DISP1: variants seen among roughly 807,000 people sequenced by gnomAD.
The protein encoded by DISP1 is dispatched RND transporter family member 1, also known as protein dispatched homolog 1.
In DISP1, 30 loss-of-function variants were observed where a neutral mutation model predicts 37.3. That is an observed-to-expected ratio of 0.80 (90% CI 0.60 to 1.09). The LOEUF is 1.09. DISP1 is among the 50% of genes least tolerant of loss of function. DISP1 has a pLI of 0.00. For synonymous variants in DISP1, 634 were observed against 690.2 expected, an observed-to-expected ratio of 0.92 and a Z score of 1.28; for missense variants, 1,598 against 1,879.5, an observed-to-expected ratio of 0.85 and a Z score of 2.77.
Position 222,957,145 on chromosome 1 carries a change from TAAAA to T in DISP1, c.509+13833_509+13836del, listed in dbSNP as rs35888809. Reference sequence around the variant, plus strand: ...CTCTAAACTATTTTCTTTACTATTGTAAAAAAAAAAAAAAAAAAAAAAAGCATTC... The same window carrying T: ...CTCTAAACTATTTTCTTTACTATTGTAAAAAAAAAAAAAAAAAAAGCATTC... On this transcript the variant is annotated intron_variant, in intron 3 of 8. Coordinates refer to ENST00000675850, the MANE Select transcript of DISP1 (RefSeq NM_001377229.1). Among the ~76,000 whole-genome samples the T allele has an allele frequency of 2.3e-4, 24 of 103,246 alleles. No individual in the cohort carries two copies. In the East Asian group the frequency reaches 4.6e-3, roughly 20 times the overall value. The allele number at this position is 103,246 out of a possible 152,430, so 67.7% of individuals were successfully genotyped here. A position where few individuals can be genotyped will look rare whatever the true frequency, so the allele number is the denominator to read the frequency against.
chr1:222,989,311 T>C (rs1339461), intron 4 of DISP1: 917,564 of 934,180 alleles, frequency 0.98, 452,515 homozygotes, highest in East Asian at 1. Flanking sequence ...TTGAGAGTAG[T>C]GGTCCACAAG....
intron 4 of DISP1, chr1:222,989,388 T>A: frequency 2.0e-6 from 2 of 985,440 alleles, no homozygotes; most frequent in Non-Finnish European, 2.4e-6. Flanking sequence ...AGGATGCATT[T>A]TGAATTTTAG....
At chr1:222,873,434 C>G (rs1461255177) in intron 1 of DISP1, among the ~76,000 whole-genome samples, 2 of 152,118 alleles carry the variant, frequency 1.3e-5, no homozygotes, top group Non-Finnish European at 2.9e-5. Context: ...TCTCTAAGGA[C>G]TTGCTTTATG....
chr1:222,895,430 T>A (rs1671196354), intron 1 of DISP1, among the ~76,000 whole-genome samples: 1 of 152,162 alleles, frequency 6.6e-6, no homozygotes, highest in Admixed American at 6.5e-5. Context: ...ATAACTGATT[T>A]TTTAAAAAAA....
chr1:222,898,303 A>G (rs1404789925), intron 1 of DISP1, among the ~76,000 whole-genome samples: 1 of 152,124 alleles, frequency 6.6e-6, no homozygotes, highest in Non-Finnish European at 1.5e-5. Flanking sequence ...CACTGAGATC[A>G]TAGAGCCGAT....
rs79409887 is a variant in DISP1, at chr1:222,891,864, A to G, written c.-158-36566A>G. ...CAATGGAGAAGAAGAAGGAGTAAAT[A>G]TAAACAACTATCTTAAGAATTGGCA... On this transcript the variant is annotated intron_variant, in intron 1 of 8. Transcript: ENST00000675850. 2.4e-3 allele frequency among the ~76,000 whole-genome samples: 364 copies of G among 152,192 alleles called. 2 individuals carry two copies. The highest frequency in any genetic ancestry group is 0.013 in the East Asian group (67 of 5,184).
At chr1:222,847,073 GTGT>G (rs1431125884) in intron 1 of DISP1, among the ~76,000 whole-genome samples, 1 of 152,156 alleles carries the variant, frequency 6.6e-6, no homozygotes, top group Admixed American at 6.5e-5. Context: ...TATTCTGTCG[GTGT>G]TTGTCTAGAT....
At chr1:222,830,832 G>C (rs1665563486) in intron 1 of DISP1, 1 of 152,146 alleles carries the variant, frequency 6.6e-6, no homozygotes, top group African/African-American at 2.4e-5. Context: ...TTTTGTGTAT[G>C]GTATTTGGTG....
chr1:222,925,711 T>C (rs1416077160), intron 1 of DISP1, among the ~76,000 whole-genome samples: 1 of 152,024 alleles, frequency 6.6e-6, no homozygotes, highest in Non-Finnish European at 1.5e-5. Flanking sequence ...AAAATGTGGG[T>C]CCCAGAACAG....
intron 4 of DISP1, among the ~76,000 whole-genome samples, chr1:222,984,544 A>T (rs1256876209): frequency 6.7e-6 from 1 of 150,024 alleles, no homozygotes; most frequent in Non-Finnish European, 1.5e-5. Flanking sequence ...GGTTTATATG[A>T]TAGATATAAC....
chr1:222,817,085 G>A (rs1661434672), intron 1 of DISP1, among the ~76,000 whole-genome samples: 1 of 152,138 alleles, frequency 6.6e-6, no homozygotes, highest in African/African-American at 2.4e-5. Flanking sequence ...GGTATGTTGA[G>A]GTTGGATTGC....
chr1:222,955,548 A>G (rs1033223324), intron 3 of DISP1, among the ~76,000 whole-genome samples: 1 of 152,194 alleles, frequency 6.6e-6, no homozygotes, highest in Non-Finnish European at 1.5e-5. Flanking sequence ...TCAGCTGTGT[A>G]TGTTGATGGT....
At chr1:222,880,651 C>T (rs1333517094) in intron 1 of DISP1, among the ~76,000 whole-genome samples, 1 of 152,180 alleles carries the variant, frequency 6.6e-6, no homozygotes, top group Non-Finnish European at 1.5e-5. Context: ...AAAGAGTGGG[C>T]AACATTTTCC....
intron 3 of DISP1, among the ~76,000 whole-genome samples, chr1:222,964,312 A>AAAG (rs1572641171): frequency 1.3e-5 from 2 of 150,536 alleles, no homozygotes; most frequent in Non-Finnish European, 3.0e-5. Context: ...AAAAAAAAAA[A>AAAG]GTGTTTGGAA....
intron 3 of DISP1, among the ~76,000 whole-genome samples, chr1:222,973,131 A>C (rs1226514306): frequency 6.6e-6 from 1 of 152,230 alleles, no homozygotes; most frequent in African/African-American, 2.4e-5. Flanking sequence ...TTCTCCCCAA[A>C]TTATGTAGAA....
chr1:222,916,424 T>A (rs1014542278), intron 1 of DISP1, among the ~76,000 whole-genome samples: 7 of 152,228 alleles, frequency 4.6e-5, no homozygotes. Context: ...TGCCTAGGCT[T>A]TCAGCATTGG....
intron 3 of DISP1, among the ~76,000 whole-genome samples, chr1:222,963,732 T>C (rs1676241568): frequency 6.8e-6 from 1 of 148,142 alleles, no homozygotes; most frequent in African/African-American, 2.5e-5. Flanking sequence ...ACATGGACAC[T>C]GGGGGGGAAC....
chr1:222,972,132 T>C (rs1677002723), intron 3 of DISP1, among the ~76,000 whole-genome samples: 1 of 152,006 alleles, frequency 6.6e-6, no homozygotes, highest in Admixed American at 6.6e-5. Context: ...TATTAGACAA[T>C]AGTGAACATA....
In DISP1 at chr1:222,836,443, A is replaced by G. The variant is rs1390596703; in HGVS notation, c.-159+21365A>G. Among the ~76,000 whole-genome samples, 5 of 152,190 alleles carry G rather than the reference A, an allele frequency of 3.3e-5. No homozygotes were observed. The South Asian group carries it at 8.3e-4, about 25-fold the overall frequency. ...TTAACATCTGGGAGTGACTATAATT[A>G]TGACAGACAAACTTTATTTTCACTG... On this transcript the variant is annotated intron_variant, in intron 1 of 8. Transcript: ENST00000675850.
Sources: allele counts gnomAD v4.1 joint callset (sites outside exome capture counted in the v4.1 genomes callset), GRCh38; gene constraint gnomAD v4.1.1; transcripts MANE v1.5; gene names NCBI Gene and HGNC (gene_info 2026-07-23, HGNC 2026-07-21).